Variants in EFCAB8 observed in about 807,000 individuals in gnomAD.
EFCAB8 encodes the protein EF-hand calcium binding domain 8.
In EFCAB8, 100 loss-of-function variants were observed where a neutral mutation model predicts 116.3. The observed-to-expected ratio is 0.86, with a 90% confidence interval of 0.73 to 1.02. EFCAB8 has a LOEUF of 1.02. EFCAB8 is among the 50% of genes least tolerant of loss of function. The pLI is 0.00. For missense variants in EFCAB8, 1,320 were observed against 1,416.9 expected (o/e 0.93, Z 1.10); for synonymous variants, 558 against 567.9 (o/e 0.98, Z 0.25).
Position 32,917,438 on chromosome 20 carries a change from C to T in EFCAB8, c.1994C>T (p.Thr665Ile), listed in dbSNP as rs750754553. 1.9e-4 allele frequency: 294 copies of T among 1,552,144 alleles called. 1 individual carries two copies. Among genetic ancestry groups the T allele is most frequent in the Admixed American group, 3.3e-4 (17 of 51,010 alleles). ...AGTGGGGACATCCTCTTCTGGAACACCGGCACACTCAAGCCCATCTTCAAC... is the reference window on the plus strand; with the variant it reads ...AGTGGGGACATCCTCTTCTGGAACATCGGCACACTCAAGCCCATCTTCAAC... ...SYSGDILFWNTGTLKPIFNFN... is the reference protein window; with the variant it reads ...SYSGDILFWNIGTLKPIFNFN... Residue 665 changes from threonine (T) to isoleucine (I), a missense_variant, in exon 18 of 27, where the codon ACC becomes ATC. Thr to Ile is a moderately conservative substitution (Grantham distance 89, BLOSUM62 -1). Coordinates refer to ENST00000400522, the MANE Select transcript of EFCAB8 (RefSeq NM_001143967.2).
At chr20:32,931,400 C>T in intron 22 of EFCAB8, 64 bp downstream of exon 22, 1 of 1,435,952 alleles carries the variant, frequency 7.0e-7, no homozygotes, top group South Asian at 1.5e-5. Flanking sequence ...GAGCTAGGAC[C>T]ATAAACTAAC....
At position 32,911,464 on chromosome 20, in the gene EFCAB8, T is replaced by G; in HGVS notation, c.1558-16T>G. On this transcript the variant is annotated splice_polypyrimidine_tract_variant and intron_variant, in intron 15 of 26. Transcript: ENST00000400522. Reference sequence around the variant, plus strand: ...CCCGGCCTCTCCAGCAGCCCCCAGCTGTGTGCTCCCTACAGGTGGTGAGTG... The same window carrying G: ...CCCGGCCTCTCCAGCAGCCCCCAGCGGTGTGCTCCCTACAGGTGGTGAGTG... 2 of 1,459,680 alleles carry G rather than the reference T, an allele frequency of 1.4e-6. No individual in the cohort carries two copies. 90.4% of individuals were successfully genotyped at this position (1,459,680 alleles called of 1,614,324 possible).
At chr20:32,903,123 C>A (rs1986507885) in intron 11 of EFCAB8, among the ~76,000 whole-genome samples, 1 of 152,234 alleles carries the variant, frequency 6.6e-6, no homozygotes, top group South Asian at 2.1e-4. Context: ...CGGCTCCTGG[C>A]CAGGGCTGTG....
intron 5 of EFCAB8, 130 bp downstream of exon 5, chr20:32,878,937 C>T: frequency 4.1e-6 from 3 of 732,168 alleles, no homozygotes; most frequent in Non-Finnish European, 6.9e-6. Context: ...AGCCTGCTGC[C>T]TGATGTCCTT....
At chr20:32,894,295 T>G (rs6058943) in intron 9 of EFCAB8, among the ~76,000 whole-genome samples, 83 of 152,168 alleles carry the variant, frequency 5.5e-4, no homozygotes, top group African/African-American at 1.8e-3. Context: ...CTGGCAGGCT[T>G]GTTGGGGCAG....
chr20:32,862,003 TTAGGTCACTTTG>T (rs962670394), intron 1 of EFCAB8, among the ~76,000 whole-genome samples: 4 of 152,214 alleles, frequency 2.6e-5, no homozygotes, highest in African/African-American at 9.6e-5. Context: ...CCTTATCACC[TTAGGTCACTTTG>T]TAGCGTCCCA....
At chr20:32,887,832 A>T (rs1345402661) in intron 6 of EFCAB8, among the ~76,000 whole-genome samples, 2 of 152,196 alleles carry the variant, frequency 1.3e-5, no homozygotes, top group African/African-American at 2.4e-5. Context: ...TCAATGCTTC[A>T]ACTTTCATTA....
chr20:32,948,104 A>C (rs1600463557), intron 23 of EFCAB8, among the ~76,000 whole-genome samples: 1 of 152,164 alleles, frequency 6.6e-6, no homozygotes, highest in African/African-American at 2.4e-5. Context: ...TGGGCAGGAA[A>C]AAGAGAGAGA....
At position 32,920,097 on chromosome 20, in the gene EFCAB8, G is replaced by A. The variant is rs1368481132; in HGVS notation, c.2294G>A (p.Gly765Asp). The change falls in exon 20 of 27, where the codon GGC becomes GAC. Residue 765 changes from glycine (G) to aspartate (D), a missense_variant. By Grantham distance (94) the Gly-to-Asp change is moderately conservative (BLOSUM62 -1). Coordinates refer to ENST00000400522, the MANE Select transcript of EFCAB8 (RefSeq NM_001143967.2). The stretch of plus-strand genomic sequence containing the variant: ...TTCCAGAAACCTTCCAGTGCTTCTG[G>A]CACATCCAGGCAGTCAAGCAAGATC... ...VPQQKPSSAS[G>D]TSRQSSKIHS... 7 of 1,551,534 alleles carry A rather than the reference G, an allele frequency of 4.5e-6. No individual in the cohort carries two copies. Among genetic ancestry groups the A allele is most frequent in the Non-Finnish European group, 6.1e-6 (7 of 1,147,004 alleles).
intron 3 of EFCAB8, among the ~76,000 whole-genome samples, chr20:32,873,600 C>CA (rs1684139311): frequency 6.6e-6 from 1 of 151,674 alleles, no homozygotes; most frequent in African/African-American, 2.4e-5. Context: ...GGTAGGCTCA[C>CA]ACCTGTAATC....
chr20:32,867,534 C>T (rs1367114890), intron 2 of EFCAB8, 48 bp from the exon 3 acceptor site: 2 of 1,531,660 alleles, frequency 1.3e-6, no homozygotes, highest in East Asian at 2.5e-5. Context: ...ATGTTTGGCT[C>T]AGGAAATTGA....
chr20:32,955,753 G>C (rs1988948040), intron 23 of EFCAB8, among the ~76,000 whole-genome samples: 1 of 152,074 alleles, frequency 6.6e-6, no homozygotes, highest in African/African-American at 2.4e-5. Context: ...CTCCAACCCA[G>C]TTGGAATAAA....
intron 15 of EFCAB8, among the ~76,000 whole-genome samples, chr20:32,910,682 A>C (rs1034742968): frequency 2.0e-5 from 3 of 150,894 alleles, no homozygotes; most frequent in Admixed American, 1.3e-4. Flanking sequence ...AAAAATTATC[A>C]ACTTTTCTAG....
At chr20:32,956,462 T>G (rs1988966699) in intron 23 of EFCAB8, among the ~76,000 whole-genome samples, 1 of 151,888 alleles carries the variant, frequency 6.6e-6, no homozygotes, top group South Asian at 2.1e-4. Context: ...TTAATAATTT[T>G]CAGATCAAAT....
intron 5 of EFCAB8, among the ~76,000 whole-genome samples, chr20:32,884,015 C>T (rs1161233860): frequency 6.6e-6 from 1 of 152,140 alleles, no homozygotes; most frequent in African/African-American, 2.4e-5. Flanking sequence ...GGATTACAGG[C>T]GTGAGCCACT....
At chr20:32,864,859 TAAC>T (rs1477665746) in intron 2 of EFCAB8, among the ~76,000 whole-genome samples, 1 of 152,180 alleles carries the variant, frequency 6.6e-6, no homozygotes, top group Non-Finnish European at 1.5e-5. Flanking sequence ...CAAGGAGTAA[TAAC>T]AAGAGCTGTC....
intron 23 of EFCAB8, among the ~76,000 whole-genome samples, chr20:32,945,393 G>T (rs1480181622): frequency 6.6e-6 from 1 of 152,164 alleles, no homozygotes; most frequent in Admixed American, 6.5e-5. Context: ...TTGAGCTCAA[G>T]TGATCGCCCA....
In EFCAB8 at chr20:32,917,496, GC is replaced by G; in HGVS notation, c.2055del (p.Lys686ArgfsTer6). On this transcript the variant is annotated frameshift_variant, in exon 18 of 27. Transcript: ENST00000400522. LOFTEE classifies it high-confidence loss of function. ...CCTCTAGGAGCCCCTCGCCCTTGCA[GC>G]CCAAGAGGGTATGTTAACAGGAGCA... Reference protein sequence around the residue: ...NASRSPSPLQPKRVQDVNNCL... With the variant: ...NASRSPSPLQXKRVQDVNNCL... 1 of 1,418,456 alleles carries G rather than the reference GC, an allele frequency of 7.0e-7. No individual in the cohort carries two copies. Among genetic ancestry groups the G allele is most frequent in the Non-Finnish European group, 9.4e-7 (1 of 1,066,204 alleles). The allele number at this position is 1,418,456 out of a possible 1,614,324, so 87.9% of individuals were successfully genotyped here.
intron 20 of EFCAB8, among the ~76,000 whole-genome samples, chr20:32,921,853 C>T (rs1220905099): frequency 5.0e-4 from 63 of 125,938 alleles, no homozygotes; most frequent in Admixed American, 1.3e-3. Flanking sequence ...TTTTTTGAGA[C>T]GGAGTCTTGC....
Sources: allele counts gnomAD v4.1 joint callset (sites outside exome capture counted in the v4.1 genomes callset), GRCh38; gene constraint gnomAD v4.1.1; transcripts MANE v1.5; gene names NCBI Gene and HGNC (gene_info 2026-07-23, HGNC 2026-07-21).